The following OSBPL1A variants were observed in gnomAD, a reference collection of about 807,000 sequenced individuals.
OSBPL1A encodes the protein oxysterol-binding protein-related protein 1.
Under a neutral mutation model 137.1 loss-of-function variants are expected in OSBPL1A, and 80 were observed. The observed-to-expected ratio is 0.58, with a 90% CI of 0.49 to 0.70. The LOEUF (loss-of-function observed/expected upper bound fraction) is 0.70. Among genes scored for constraint, OSBPL1A ranks in the 30% least tolerant of loss-of-function variants. OSBPL1A has a pLI of 0.00. For missense variants in OSBPL1A, 970 were observed against 1,129.4 expected (o/e 0.86, Z 2.02); for synonymous variants, 365 against 389.7 (o/e 0.94, Z 0.75).
chr18:24,289,170 G>C (rs1333015820), intron 14 of OSBPL1A, among the ~76,000 whole-genome samples: 1 of 152,074 alleles, frequency 6.6e-6, no homozygotes, highest in Non-Finnish European at 1.5e-5. Flanking sequence ...TTGTGGAAAG[G>C]AAACTCCTGC....
intron 17 of OSBPL1A, among the ~76,000 whole-genome samples, chr18:24,208,297 A>C (rs1471323369): frequency 6.6e-6 from 1 of 152,242 alleles, no homozygotes; most frequent in Non-Finnish European, 1.5e-5. Flanking sequence ...CTTGAAAAAA[A>C]TCTTTACATA....
At chr18:24,238,095 A>G (rs2088557175) in intron 16 of OSBPL1A, among the ~76,000 whole-genome samples, 1 of 152,104 alleles carries the variant, frequency 6.6e-6, no homozygotes, top group Admixed American at 6.6e-5. Flanking sequence ...ATCATTTTCC[A>G]TGTACTGTAT....
intron 15 of OSBPL1A, among the ~76,000 whole-genome samples, chr18:24,257,103 T>C (rs1339770975): frequency 6.7e-6 from 1 of 148,796 alleles, no homozygotes; most frequent in Non-Finnish European, 1.5e-5. Flanking sequence ...CCAGTGACAA[T>C]CTTCACAGAA....
chr18:24,199,300 C>T (rs923529949), intron 17 of OSBPL1A, among the ~76,000 whole-genome samples: 18 of 152,200 alleles, frequency 1.2e-4, no homozygotes, highest in African/African-American at 3.6e-4. Context: ...GGGGGTGTGG[C>T]GAACAGTGGG....
In OSBPL1A at chr18:24,348,303, TACTC is replaced by T. The variant is rs535923345; in HGVS notation, c.283-6649_283-6646del. 2.7e-3 allele frequency among the ~76,000 whole-genome samples: 412 copies of T among 152,322 alleles called. 2 individuals are homozygous for T. The highest frequency in any genetic ancestry group is 4.6e-3 in the Non-Finnish European group (314 of 68,028). On this transcript the variant is annotated intron_variant, in intron 4 of 27. Coordinates refer to ENST00000319481, the MANE Select transcript of OSBPL1A (RefSeq NM_080597.4). ...AATTATTTCCAAGTAAATATAATAA[TACTC>T]AATATTTAATTAACATTTACTTGTA...
At chr18:24,319,396 T>C (rs1415236542) in intron 7 of OSBPL1A, among the ~76,000 whole-genome samples, 1 of 152,104 alleles carries the variant, frequency 6.6e-6, no homozygotes, top group African/African-American at 2.4e-5. Context: ...AATCACAAAT[T>C]TGGGGTCCAC....
rs1204292933 is a variant in OSBPL1A at position 24,165,242 on chromosome 18, A to G, written c.2660-87T>C. ...TTAAGCACAAGAACTTCACAAAAGA[A>G]CCATATCTACATGTTATCTCCCTTT... On this transcript the variant is annotated intron_variant, in intron 26 of 27. Transcript: ENST00000319481. 6.8e-6 allele frequency: 8 copies of G among 1,183,778 alleles called. No individual in the cohort carries two copies. In the African/African-American group the frequency reaches 1.2e-4, roughly 18 times the overall value. 73.3% of individuals were successfully genotyped at this position (1,183,778 alleles called of 1,614,324 possible).
At chr18:24,245,483 C>T (rs1427316142) in intron 15 of OSBPL1A, among the ~76,000 whole-genome samples, 10 of 152,174 alleles carry the variant, frequency 6.6e-5, no homozygotes, top group Admixed American at 6.5e-4. Flanking sequence ...GCTGTTGACA[C>T]ACAGCTGATA....
At chr18:24,283,962 G>A (rs959331027) in intron 14 of OSBPL1A, among the ~76,000 whole-genome samples, 17 of 152,070 alleles carry the variant, frequency 1.1e-4, no homozygotes, top group Non-Finnish European at 1.9e-4. Flanking sequence ...ATATATGTGT[G>A]TGTATATATA....
chr18:24,337,232 G>A (rs2091189571), intron 5 of OSBPL1A, among the ~76,000 whole-genome samples: 1 of 152,190 alleles, frequency 6.6e-6, no homozygotes, highest in South Asian at 2.1e-4. Flanking sequence ...CAAGGCTCAC[G>A]CCTGTTAACC....
chr18:24,312,637 C>T (rs939000129), intron 12 of OSBPL1A, among the ~76,000 whole-genome samples: 6 of 152,026 alleles, frequency 3.9e-5, no homozygotes, highest in African/African-American at 1.4e-4. Flanking sequence ...CTAAAAATAC[C>T]CTATCTTACT....
intron 14 of OSBPL1A, among the ~76,000 whole-genome samples, chr18:24,288,450 A>G (rs1234813575): frequency 2.0e-5 from 3 of 152,188 alleles, no homozygotes; most frequent in Non-Finnish European, 4.4e-5. Context: ...GGAATATTCC[A>G]TGGAGGTAAA....
rs552655740 is a variant in OSBPL1A at position 24,314,020 on chromosome 18, G to A, written c.969+229C>T. On this transcript the variant is annotated intron_variant, in intron 12 of 27. Coordinates refer to ENST00000319481, the MANE Select transcript of OSBPL1A (RefSeq NM_080597.4). Reference sequence around the variant, plus strand: ...CTCAGGAGGCCGAGGCATGAGAATCGCCTGAGCCTGGGAGGCAGAGGTTGC... The same window carrying A: ...CTCAGGAGGCCGAGGCATGAGAATCACCTGAGCCTGGGAGGCAGAGGTTGC... Among the ~76,000 whole-genome samples, 17 of 152,206 alleles carry A rather than the reference G, an allele frequency of 1.1e-4. No homozygotes were observed. The South Asian group carries it at 1.5e-3, about 13-fold the overall frequency.
intron 14 of OSBPL1A, among the ~76,000 whole-genome samples, chr18:24,300,246 G>A (rs2090372658): frequency 6.6e-6 from 1 of 152,136 alleles, no homozygotes. Context: ...CAGCATTTCC[G>A]ATCAAAGACA....
At chr18:24,227,587 G>A (rs1567959622) in intron 16 of OSBPL1A, among the ~76,000 whole-genome samples, 2 of 152,162 alleles carry the variant, frequency 1.3e-5, no homozygotes, top group Non-Finnish European at 2.9e-5. Context: ...TTAGTTTTCT[G>A]GAGTAGGCAC....
chr18:24,340,438 C>A (rs2091255644), intron 5 of OSBPL1A, among the ~76,000 whole-genome samples: 1 of 152,024 alleles, frequency 6.6e-6, no homozygotes, highest in Admixed American at 6.6e-5. Context: ...TTTTGGGAGG[C>A]CGAGATGGGA....
In OSBPL1A at chr18:24,172,796, A is replaced by G. The variant is rs2086322992; in HGVS notation, c.2094-313T>C. On this transcript the variant is annotated intron_variant, in intron 21 of 27. Transcript: ENST00000319481. ...AACATTAAAAAAAGCTAAAGTAGAG[A>G]CACAAAATAAAAAGTCTATTTAGCA... Among the ~76,000 whole-genome samples the G allele has an allele frequency of 1.3e-5, 2 of 152,236 alleles. 1 individual carries two copies. The highest frequency in any genetic ancestry group is 4.1e-4 in the South Asian group (2 of 4,836).
chr18:24,360,167 C>T (rs1347492443), intron 4 of OSBPL1A, among the ~76,000 whole-genome samples: 1 of 152,156 alleles, frequency 6.6e-6, no homozygotes, highest in Non-Finnish European at 1.5e-5. Flanking sequence ...GACAGGGTTT[C>T]ACCATGTTGG....
chr18:24,383,307 G>A (rs1906738049), intron 1 of OSBPL1A, among the ~76,000 whole-genome samples: 1 of 152,116 alleles, frequency 6.6e-6, no homozygotes, highest in Non-Finnish European at 1.5e-5. Flanking sequence ...TTCTTTTCAT[G>A]CCTTTAAAGA....
Sources: gnomAD v4.1 joint callset for allele counts (sites outside exome capture counted in the v4.1 genomes callset) on GRCh38, gnomAD v4.1.1 for gene constraint, MANE v1.5 for transcripts, NCBI Gene and HGNC (gene_info 2026-07-23, HGNC 2026-07-21) for gene names.